The following SORCS1 variants were observed in gnomAD, a reference collection of about 807,000 sequenced individuals.
SORCS1 encodes VPS10 domain-containing receptor SorCS1.
Under a neutral mutation model 146.1 loss-of-function variants are expected in SORCS1, and 60 were observed. The observed-to-expected ratio is 0.41, with a 90% CI of 0.33 to 0.51. The LOEUF (loss-of-function observed/expected upper bound fraction) is 0.51. Ranked by LOEUF, SORCS1 falls within the 20% of genes least tolerant of loss-of-function variation. The pLI is 0.21. For synonymous variants in SORCS1, 637 were observed against 584.0 expected (o/e 1.09, Z -1.31); for missense variants, 1,352 against 1,487.6 (o/e 0.91, Z 1.50).
At chr10:106,801,359 T>C (rs919835783) in intron 3 of SORCS1, among the ~76,000 whole-genome samples, 7 of 152,096 alleles carry the variant, frequency 4.6e-5, no homozygotes, top group African/African-American at 1.7e-4. Flanking sequence ...ATGTGCTTTA[T>C]ATATTAACCA....
At chr10:107,061,758 T>C (rs766962882) in intron 1 of SORCS1, among the ~76,000 whole-genome samples, 8 of 152,186 alleles carry the variant, frequency 5.3e-5, no homozygotes, top group Non-Finnish European at 8.8e-5. Context: ...CATATAATGT[T>C]AAAATAACTT....
chr10:107,140,987 G>C (rs566181158), intron 1 of SORCS1, among the ~76,000 whole-genome samples: 10 of 152,166 alleles, frequency 6.6e-5, no homozygotes, highest in Non-Finnish European at 1.3e-4. Context: ...AACCCTTTAT[G>C]AAAAGCAAGG....
chr10:107,039,193 T>C (rs1959052771), intron 1 of SORCS1, among the ~76,000 whole-genome samples: 1 of 151,272 alleles, frequency 6.6e-6, no homozygotes, highest in Non-Finnish European at 1.5e-5. Context: ...CCGGGCGTAG[T>C]GGCGGGCGCC....
the SORCS1 span, among the ~76,000 whole-genome samples, chr10:107,176,075 T>C: frequency 1.3e-5 from 2 of 152,188 alleles, no homozygotes; most frequent in Non-Finnish European, 2.9e-5. Context: ...TTTATTCCCC[T>C]ATAATCACTG....
chr10:106,844,225 T>A (rs1246001841), intron 2 of SORCS1, among the ~76,000 whole-genome samples: 1 of 152,214 alleles, frequency 6.6e-6, no homozygotes, highest in Admixed American at 6.5e-5. Flanking sequence ...CCATTTTTAA[T>A]CAGGTTTTTT....
intron 3 of SORCS1, among the ~76,000 whole-genome samples, chr10:106,824,499 G>T (rs7075420): frequency 6.6e-6 from 1 of 150,410 alleles, no homozygotes. Flanking sequence ...CTGAGGCAGA[G>T]AATTTTTTGA....
chr10:106,993,087 C>T (rs147557401), intron 1 of SORCS1, among the ~76,000 whole-genome samples: 7,754 of 152,120 alleles, frequency 0.051, 680 homozygotes, highest in African/African-American at 0.17. Context: ...GCCTCGGCCT[C>T]CCAAAGTGCT....
chr10:106,667,691 A>G lies in SORCS1; in HGVS notation c.2301T>C (p.Thr767=). The G allele has an allele frequency of 6.2e-7, 1 of 1,612,600 alleles. No homozygotes were observed. The highest frequency in any genetic ancestry group is 8.5e-7 in the Non-Finnish European group (1 of 1,178,842). The change falls in exon 17 of 26, where the codon ACT becomes ACC. Residue 767 remains threonine (T), a splice_region_variant and synonymous_variant. Coordinates refer to ENST00000263054, the MANE Select transcript of SORCS1 (RefSeq NM_052918.5). ...AGGTCACTACTCCAGACACTTACCCAGTACTATTGAGGTAACTCTGTCCCA... is the reference window on the plus strand; with the variant it reads ...AGGTCACTACTCCAGACACTTACCCGGTACTATTGAGGTAACTCTGTCCCA... ...CSLGQSYLNS[T]GYRKVVSNNC...
chr10:107,047,450 C>T (rs549049111), intron 1 of SORCS1, among the ~76,000 whole-genome samples: 2 of 152,086 alleles, frequency 1.3e-5, no homozygotes, highest in South Asian at 2.1e-4. Flanking sequence ...TTGTTACTGT[C>T]GCTTTAACTC....
intron 24 of SORCS1, among the ~76,000 whole-genome samples, chr10:106,593,423 C>T (rs1370230794): frequency 1.3e-5 from 2 of 152,186 alleles, no homozygotes; most frequent in Admixed American, 6.5e-5. Flanking sequence ...AAATCGAGCC[C>T]TGAGTGACTG....
At chr10:106,641,391 G>A (rs1418186151) in intron 18 of SORCS1, among the ~76,000 whole-genome samples, 1 of 152,042 alleles carries the variant, frequency 6.6e-6, no homozygotes, top group African/African-American at 2.4e-5. Flanking sequence ...AGTGTACCTA[G>A]CCTTTTATTA....
intron 4 of SORCS1, among the ~76,000 whole-genome samples, chr10:106,765,894 C>A (rs1283458745): frequency 6.6e-6 from 1 of 152,122 alleles, no homozygotes; most frequent in African/African-American, 2.4e-5. Flanking sequence ...GATTGTTAGA[C>A]AGGTGCACGT....
intron 6 of SORCS1, among the ~76,000 whole-genome samples, chr10:106,709,600 C>T (rs996072900): frequency 2.0e-5 from 3 of 152,008 alleles, no homozygotes; most frequent in Non-Finnish European, 4.4e-5. Flanking sequence ...AGGCATCCAC[C>T]ACAATGCCCG....
At chr10:107,144,848 G>A (rs868609719) in intron 1 of SORCS1, among the ~76,000 whole-genome samples, 4 of 152,190 alleles carry the variant, frequency 2.6e-5, no homozygotes, top group African/African-American at 4.8e-5. Context: ...TTTGCATTCC[G>A]TCACTTGCCT....
At chr10:107,144,677 C>A (rs1968152068) in intron 1 of SORCS1, among the ~76,000 whole-genome samples, 1 of 152,266 alleles carries the variant, frequency 6.6e-6, no homozygotes, top group African/African-American at 2.4e-5. Context: ...TGAACCCCAG[C>A]TGAAGAGCCA....
chr10:106,711,563 G>T (rs1854992189), intron 6 of SORCS1, among the ~76,000 whole-genome samples: 1 of 152,156 alleles, frequency 6.6e-6, no homozygotes, highest in Non-Finnish European at 1.5e-5. Context: ...TGGGGTTTCT[G>T]ATAACCTCTC....
At chr10:106,785,726 G>A (rs574777314) in intron 3 of SORCS1, among the ~76,000 whole-genome samples, 2 of 152,202 alleles carry the variant, frequency 1.3e-5, no homozygotes, top group East Asian at 3.9e-4. Flanking sequence ...AGACCACCAG[G>A]GATTTCTCTT....
At chr10:107,144,592 C>T (rs1297026640) in intron 1 of SORCS1, among the ~76,000 whole-genome samples, 1 of 152,250 alleles carries the variant, frequency 6.6e-6, no homozygotes, top group Non-Finnish European at 1.5e-5. Context: ...GAGCATGACT[C>T]TGCAGCTAGC....
At chr10:107,175,727 G>A in the SORCS1 span, among the ~76,000 whole-genome samples, 1 of 152,086 alleles carries the variant, frequency 6.6e-6, no homozygotes, top group Non-Finnish European at 1.5e-5. Flanking sequence ...GTGAGCCACC[G>A]TGCCCAGCCA....
Sources: allele counts gnomAD v4.1 joint callset (sites outside exome capture counted in the v4.1 genomes callset), GRCh38; gene constraint gnomAD v4.1.1; transcripts MANE v1.5; gene names NCBI Gene and HGNC (gene_info 2026-07-23, HGNC 2026-07-21).